The following EIF2S3 variants were observed in gnomAD, a reference collection of about 807,000 sequenced individuals.
The protein encoded by EIF2S3 is eukaryotic translation initiation factor 2 subunit 3.
A neutral mutation model predicts 31.7 loss-of-function variants in EIF2S3; 2 were observed. The observed-to-expected ratio is 0.06, with a 90% CI of 0.03 to 0.20. EIF2S3 has a LOEUF of 0.20. Ranked by LOEUF, EIF2S3 falls within the 10% of genes least tolerant of loss-of-function variation. The probability of loss-of-function intolerance (pLI) is 1.00; values close to 1 mark genes in which losing one functional copy is unlikely to be tolerated. For synonymous variants in EIF2S3, 120 were observed against 126.7 expected, an observed-to-expected ratio of 0.95 and a Z score of 0.36; for missense variants, 96 against 359.3, an observed-to-expected ratio of 0.27 and a Z score of 5.92.
rs1380557953 is a variant in EIF2S3, at chrX:24,068,476, G to A, written c.1012+368G>A. Among the ~76,000 whole-genome samples, 7 of 107,861 alleles carry A rather than the reference G, an allele frequency of 6.5e-5. 1 individual carries two copies. The highest frequency in any genetic ancestry group is 1.3e-4 in the Non-Finnish European group (7 of 52,169). 93.7% of individuals were successfully genotyped at this position (107,861 alleles called of 115,157 possible). The stretch of plus-strand genomic sequence containing the variant: ...TTTTTTTTTTGGGAGATGGAGTCTC[G>A]CTGTGTCCTCCAGGCTGGAGTGCAG... On this transcript the variant is annotated intron_variant, in intron 9 of 11. Coordinates refer to ENST00000253039, the MANE Select transcript of EIF2S3 (RefSeq NM_001415.4).
intron 8 of EIF2S3, 55 bp downstream of exon 8, chrX:24,066,147 T>A: frequency 1.1e-6 from 1 of 904,736 alleles, no homozygotes; most frequent in Non-Finnish European, 1.5e-6. Context: ...GTTGTTTGTT[T>A]GTTTGTTTTA....
At chrX:24,060,213 C>A in intron 5 of EIF2S3, 31 bp downstream of exon 5, 1 of 1,101,015 alleles carries the variant, frequency 9.1e-7, no homozygotes, top group Non-Finnish European at 1.3e-6. Context: ...TTGGACAAAT[C>A]AATGTGGAAC....
intron 6 of EIF2S3, 155 bp downstream of exon 6, chrX:24,062,729 C>T (rs945608251): frequency 4.2e-6 from 2 of 481,199 alleles, no homozygotes; most frequent in Non-Finnish European, 6.4e-6. Flanking sequence ...TGTTAGTAAC[C>T]TGATATAACT....
chrX:24,059,762 T>A (rs1930463299), intron 4 of EIF2S3, among the ~76,000 whole-genome samples: 1 of 111,979 alleles, frequency 8.9e-6, no homozygotes, highest in African/African-American at 3.2e-5. Flanking sequence ...GTTAACGTGG[T>A]TTTTATAAGT....
At chrX:24,058,392 A>C (rs1247753216) in intron 4 of EIF2S3, among the ~76,000 whole-genome samples, 1 of 111,683 alleles carries the variant, frequency 9.0e-6, no homozygotes. Flanking sequence ...ATAAATCAGA[A>C]TTTTAAATAA....
intron 4 of EIF2S3, 29 bp downstream of exon 4, chrX:24,057,783 A>G (rs1345567163): frequency 1.3e-5 from 15 of 1,175,005 alleles, no homozygotes; most frequent in Middle Eastern, 4.9e-4. Flanking sequence ...CAAACACTAC[A>G]CTTTATATTT....
intron 8 of EIF2S3, 51 bp from the exon 9 acceptor site, chrX:24,067,913 T>C (rs1017255672): frequency 2.7e-6 from 3 of 1,122,479 alleles, no homozygotes; most frequent in Non-Finnish European, 3.6e-6. Flanking sequence ...GATAGGTAAA[T>C]GATAATTTTG....
In EIF2S3 at chrX:24,076,924, C is replaced by CTTTTTTTTTTTTTTTT. The variant is rs747088489; in HGVS notation, c.*140_*141insTTTTTTTTTTTTTTTT. Reference sequence around the variant, plus strand: ...CTTAGTAGGTAACGGTAAGGTTATTCTCTTTTTTTTTTTTTTTTTTTTTGG... The same window carrying CTTTTTTTTTTTTTTTT: ...CTTAGTAGGTAACGGTAAGGTTATTCTTTTTTTTTTTTTTTTTCTTTTTTTTTTTTTTTTTTTTTGG... On this transcript the variant is annotated 3_prime_UTR_variant, in exon 12 of 12. Coordinates refer to ENST00000253039, the MANE Select transcript of EIF2S3 (RefSeq NM_001415.4). 1 of 106,657 alleles carries CTTTTTTTTTTTTTTTT rather than the reference C, an allele frequency of 9.4e-6. No individual in the cohort carries two copies. Among genetic ancestry groups the CTTTTTTTTTTTTTTTT allele is most frequent in the African/African-American group, 9.1e-5 (1 of 10,973 alleles). 8.8% of individuals were successfully genotyped at this position (106,657 alleles called of 1,213,427 possible).
At position 24,060,142 on chromosome X, in the gene EIF2S3, G is replaced by A. The variant is rs1365727399; in HGVS notation, c.438G>A (p.Leu146=). ...PGHDILMATM[L]NGAAVMDAAL... ...ACGATATTTTGATGGCTACTATGCT[G>A]AACGGTGCAGCAGTGATGGATGCAG... Residue 146 remains leucine (L), a synonymous_variant, in exon 5 of 12, where the codon CTG becomes CTA. Transcript: ENST00000253039. 8.3e-7 allele frequency: 1 copy of A among 1,211,174 alleles called. No individual in the cohort carries two copies. The highest frequency in any genetic ancestry group is 2.2e-5 in the Admixed American group (1 of 46,013).
In EIF2S3 at chrX:24,064,269, T is replaced by G; in HGVS notation, c.706T>G (p.Cys236Gly). Residue 236 changes from cysteine (C) to glycine (G), a missense_variant, in exon 7 of 12, where the codon TGT becomes GGT. Transcript: ENST00000253039. ...GCTGAAATACAATATTGAAGTTGTT[T>G]GTGAGTACATAGTAAAGAAAATTCC... ...AQLKYNIEVV[C>G]EYIVKKIPVP... is the part of the protein sequence containing the mutation. 1 of 1,201,760 alleles carries G rather than the reference T, an allele frequency of 8.3e-7. No individual in the cohort carries two copies. The highest frequency in any genetic ancestry group is 1.1e-6 in the Non-Finnish European group (1 of 891,691).
chrX:24,076,166 T>C (rs754224826), intron 11 of EIF2S3, among the ~76,000 whole-genome samples: 2 of 112,220 alleles, frequency 1.8e-5, no homozygotes, highest in Non-Finnish European at 3.8e-5. Context: ...TTGATTTTAC[T>C]GTCTTTTGTG....
chrX:24,057,868 G>GT (rs1393390603), intron 4 of EIF2S3, 114 bp downstream of exon 4: 109 of 872,712 alleles, frequency 1.2e-4, no homozygotes, highest in Non-Finnish European at 1.5e-4. Context: ...TGGTTTTGTT[G>GT]TTTTTCCATT....
chrX:24,055,826 G>A, intron 2 of EIF2S3, 148 bp downstream of exon 2: 1 of 570,649 alleles, frequency 1.8e-6, no homozygotes, highest in Non-Finnish European at 2.8e-6. Flanking sequence ...TACATTTGCG[G>A]TGCAGGGGGA....
At chrX:24,064,398 C>G (rs2147127805) in intron 7 of EIF2S3, 63 bp downstream of exon 7, 1 of 1,076,635 alleles carries the variant, frequency 9.3e-7, no homozygotes, top group Non-Finnish European at 1.2e-6. Flanking sequence ...GATTCCTCTT[C>G]AAGGATGTTT....
In EIF2S3 at chrX:24,073,282, G is replaced by A. The variant is rs200818625; in HGVS notation, c.1355+19G>A. The A allele has an allele frequency of 1.6e-5, 19 of 1,206,767 alleles. No homozygotes were observed. The highest frequency in any genetic ancestry group is 2.1e-5 in the Non-Finnish European group (19 of 893,623). On this transcript the variant is annotated intron_variant, in intron 11 of 11. Transcript: ENST00000253039. ...ACTGGCGGTAAGTTTGTTAGTCTTT[G>A]CCACTGTCTAATTAAAAAAAGACAC...
Position 24,057,648 on chromosome X carries a change from G to T in EIF2S3, c.277G>T (p.Asp93Tyr). The T allele has an allele frequency of 8.3e-7, 1 of 1,211,156 alleles. No individual in the cohort carries two copies. The highest frequency in any genetic ancestry group is 1.1e-6 in the Non-Finnish European group (1 of 895,410). Residue 93 changes from aspartate (D) to tyrosine (Y), a missense_variant, in exon 4 of 12, where the codon GAC (aspartate) becomes TAC (tyrosine). By Grantham distance (160) the Asp-to-Tyr change is radical. Coordinates refer to ENST00000253039, the MANE Select transcript of EIF2S3 (RefSeq NM_001415.4). ...YANAKIYKLD[D>Y]PSCPRPECYR... ...GAAATTTTAGATTTATAAGCTTGAT[G>T]ACCCAAGTTGCCCTCGGCCAGAATG... is the stretch of plus-strand genomic sequence containing the variant.
intron 4 of EIF2S3, among the ~76,000 whole-genome samples, chrX:24,058,368 A>G (rs1930435017): frequency 9.0e-6 from 1 of 111,427 alleles, no homozygotes. Context: ...TTTTAAATTA[A>G]TGCAAAAAAT....
chrX:24,074,612 C>T (rs1205609235), intron 11 of EIF2S3, among the ~76,000 whole-genome samples: 1 of 110,899 alleles, frequency 9.0e-6, no homozygotes, highest in African/African-American at 3.3e-5. Flanking sequence ...CATAGCACCT[C>T]TACGGGTTGC....
rs771091162 is a variant in EIF2S3 at position 24,064,586 on chromosome X, G to A, written c.772+251G>A. On this transcript the variant is annotated intron_variant, in intron 7 of 11. Transcript: ENST00000253039. ...CTCACGCCTATAATCCCAATACTTT[G>A]GGGGGCCGAGGTGGGTGGATCACCT... Among the ~76,000 whole-genome samples, 5 of 112,298 alleles carry A rather than the reference G, an allele frequency of 4.5e-5. No individual in the cohort carries two copies. In the Admixed American group the frequency reaches 4.7e-4, roughly 11 times the overall value.
Sources: allele counts gnomAD v4.1 joint callset (sites outside exome capture counted in the v4.1 genomes callset), GRCh38; gene constraint gnomAD v4.1.1; transcripts MANE v1.5; gene names NCBI Gene and HGNC (gene_info 2026-07-23, HGNC 2026-07-21).